CLINT1: variants seen among roughly 807,000 people sequenced by gnomAD.
The protein encoded by CLINT1 is clathrin interactor 1.
In CLINT1, 15 loss-of-function variants were observed where a neutral mutation model predicts 70.4. That is an observed-to-expected ratio of 0.21 (90% confidence interval 0.14 to 0.33). The LOEUF (loss-of-function observed/expected upper bound fraction) is 0.33, where lower values mean the gene tolerates loss of function less well. Ranked by LOEUF, CLINT1 falls within the 10% of genes least tolerant of loss-of-function variation. The pLI, the probability that CLINT1 is intolerant of heterozygous loss-of-function variation, is 1.00. For missense variants in CLINT1, 615 were observed against 778.1 expected (o/e 0.79, Z 2.49); for synonymous variants, 227 against 254.7 (o/e 0.89, Z 1.04).
intron 9 of CLINT1, among the ~76,000 whole-genome samples, 164 bp from the exon 10 acceptor site, chr5:157,792,159 G>C (rs934210898): frequency 6.6e-6 from 1 of 152,056 alleles, no homozygotes; most frequent in Non-Finnish European, 1.5e-5. Flanking sequence ...AATATTACAC[G>C]AGAGTTAACA....
intron 1 of CLINT1, among the ~76,000 whole-genome samples, chr5:157,824,319 T>C (rs1328632099): frequency 6.6e-6 from 1 of 152,232 alleles, no homozygotes; most frequent in East Asian, 1.9e-4. Flanking sequence ...TTATATTTCA[T>C]TACAGTCCTG....
At chr5:157,851,299 G>C (rs1000006570) in intron 1 of CLINT1, among the ~76,000 whole-genome samples, 2 of 151,984 alleles carry the variant, frequency 1.3e-5, no homozygotes, top group Non-Finnish European at 2.9e-5. Flanking sequence ...ATAATGATGA[G>C]TGTGTGCAAA....
chr5:157,818,508 A>C (rs1762788242), intron 1 of CLINT1, among the ~76,000 whole-genome samples: 1 of 149,560 alleles, frequency 6.7e-6, no homozygotes. Context: ...AATTAGCCAG[A>C]CATGTTGGCA....
chr5:157,847,234 C>T (rs1057297041), intron 1 of CLINT1, among the ~76,000 whole-genome samples: 6 of 152,134 alleles, frequency 3.9e-5, no homozygotes, highest in African/African-American at 1.2e-4. Flanking sequence ...TGGCTGGGCA[C>T]AGCTCACACC....
Position 157,787,076 on chromosome 5 carries a change from T to C in CLINT1, c.*570A>G, listed in dbSNP as rs1025655396. 1 of 153,054 alleles carries C rather than the reference T, an allele frequency of 6.5e-6. No individual in the cohort carries two copies. 9.5% of individuals were successfully genotyped at this position (153,054 alleles called of 1,614,324 possible). On this transcript the variant is annotated 3_prime_UTR_variant, in exon 12 of 12. Coordinates refer to ENST00000411809, the MANE Select transcript of CLINT1 (RefSeq NM_014666.4). Reference sequence around the variant, plus strand: ...GTATAATAGCAGTGTTGCTGGAACATTAGCAAAAGTATATACATTCCAGTT... The same window carrying C: ...GTATAATAGCAGTGTTGCTGGAACACTAGCAAAAGTATATACATTCCAGTT...
At chr5:157,840,192 CAAAAAAAAAAAA>C (rs57245921) in intron 1 of CLINT1, among the ~76,000 whole-genome samples, 1 of 55,332 alleles carries the variant, frequency 1.8e-5, no homozygotes, top group Admixed American at 3.1e-4. Context: ...GAGACTGCCT[CAAAAAAAAAAAA>C]AAAAAAAAAG....
chr5:157,858,507 G>A (rs1753826972), intron 1 of CLINT1, among the ~76,000 whole-genome samples: 1 of 152,164 alleles, frequency 6.6e-6, no homozygotes, highest in African/African-American at 2.4e-5. Flanking sequence ...CACCTTGAGG[G>A]ACACAGGGAA....
At chr5:157,836,739 A>G (rs1763437554) in intron 1 of CLINT1, among the ~76,000 whole-genome samples, 1 of 152,160 alleles carries the variant, frequency 6.6e-6, no homozygotes, top group Non-Finnish European at 1.5e-5. Flanking sequence ...CTCCTGGAAC[A>G]CTTTCTTTCA....
At chr5:157,791,181 C>G (rs1308908181) in intron 10 of CLINT1, among the ~76,000 whole-genome samples, 2 of 152,114 alleles carry the variant, frequency 1.3e-5, no homozygotes, top group Non-Finnish European at 2.9e-5. Context: ...GACTCAGCCT[C>G]CCAAGTAGCA....
At chr5:157,814,675 C>T (rs1471126049) in intron 3 of CLINT1, among the ~76,000 whole-genome samples, 1 of 152,162 alleles carries the variant, frequency 6.6e-6, no homozygotes, top group Non-Finnish European at 1.5e-5. Flanking sequence ...GGTAATTAAA[C>T]AATCCTATAG....
chr5:157,821,758 A>C (rs1373890521), intron 1 of CLINT1, among the ~76,000 whole-genome samples: 1 of 152,258 alleles, frequency 6.6e-6, no homozygotes. Context: ...ACTGGCTAAC[A>C]ATACCAAATC....
chr5:157,794,753 A>C, intron 9 of CLINT1, 145 bp downstream of exon 9: 1 of 670,104 alleles, frequency 1.5e-6, no homozygotes, highest in South Asian at 2.0e-5. Context: ...CTGCCCAATA[A>C]AATACCTTGT....
Position 157,814,234 on chromosome 5 carries a change from G to A in CLINT1, c.303C>T (p.Ala101=). 6.2e-7 allele frequency: 1 copy of A among 1,611,026 alleles called. No individual in the cohort carries two copies. The highest frequency in any genetic ancestry group is 8.5e-7 in the Non-Finnish European group (1 of 1,178,718). Reference sequence around the variant, plus strand: ...ATCGTAAATCATAAATGTGTTCTCTGGCACTTGTAACAACACGCTCTGATC... The same window carrying A: ...ATCGTAAATCATAAATGTGTTCTCTAGCACTTGTAACAACACGCTCTGATC... ...RNGSERVVTS[A]REHIYDLRSL... is the part of the protein sequence containing the mutation. The change falls in exon 4 of 12, where the codon GCC becomes GCT. Residue 101 remains alanine, a synonymous_variant. Transcript: ENST00000411809.
At chr5:157,852,354 G>A (rs938371685) in intron 1 of CLINT1, among the ~76,000 whole-genome samples, 5 of 152,146 alleles carry the variant, frequency 3.3e-5, no homozygotes, top group Non-Finnish European at 7.3e-5. Flanking sequence ...AACAACAGAG[G>A]TATTTAAATT....
chr5:157,793,026 T>C (rs900176565), intron 9 of CLINT1, among the ~76,000 whole-genome samples: 2 of 152,240 alleles, frequency 1.3e-5, no homozygotes, highest in African/African-American at 4.8e-5. Context: ...TGTCTCATTA[T>C]GCTAAATATC....
chr5:157,812,931 C>A (rs920616139), intron 5 of CLINT1, 132 bp downstream of exon 5: 3 of 776,328 alleles, frequency 3.9e-6, no homozygotes, highest in African/African-American at 3.5e-5. Context: ...ATTAGTACTG[C>A]GTGTATTTTA....
intron 1 of CLINT1, among the ~76,000 whole-genome samples, chr5:157,853,777 C>CAAAA (rs11316474): frequency 1.2e-4 from 6 of 48,038 alleles, no homozygotes; most frequent in Admixed American, 6.9e-4. Context: ...GACACCATCT[C>CAAAA]AAAAAAAAAA....
At position 157,788,079 on chromosome 5, in the gene CLINT1, A is replaced by G. The variant is rs370261021; in HGVS notation, c.1532-87T>C. On this transcript the variant is annotated intron_variant, in intron 11 of 11. Transcript: ENST00000411809. Reference sequence around the variant, plus strand: ...AGAACTAATAACTTCTTGACCATCTATCTATACTTCTTTAGCCCCAATAAA... The same window carrying G: ...AGAACTAATAACTTCTTGACCATCTGTCTATACTTCTTTAGCCCCAATAAA... 4.0e-6 allele frequency: 4 copies of G among 1,000,800 alleles called. 1 individual carries two copies. The highest frequency in any genetic ancestry group is 5.6e-4 in the Middle Eastern group (2 of 3,578). The allele number at this position is 1,000,800 out of a possible 1,614,324, so 62.0% of individuals were successfully genotyped here.
intron 7 of CLINT1, 121 bp from the exon 8 acceptor site, chr5:157,803,840 T>C: frequency 1.7e-6 from 1 of 585,758 alleles, no homozygotes; most frequent in Non-Finnish European, 2.7e-6. Context: ...AAGGGTAGGG[T>C]TTTCTGGAAA....
Sources: gnomAD v4.1 joint callset for allele counts (sites outside exome capture counted in the v4.1 genomes callset) on GRCh38, gnomAD v4.1.1 for gene constraint, MANE v1.5 for transcripts, NCBI Gene and HGNC (gene_info 2026-07-23, HGNC 2026-07-21) for gene names.